DIP2C: variants seen among roughly 807,000 people sequenced by gnomAD.
The protein encoded by DIP2C is DIP2 acetate--CoA ligase C (putative), also known as disco-interacting protein 2 homolog C.
A neutral mutation model predicts 192.4 loss-of-function variants in DIP2C; 33 were observed. The observed-to-expected ratio is 0.17, with a 90% CI of 0.13 to 0.23. The LOEUF (loss-of-function observed/expected upper bound fraction) is 0.23. Among genes scored for constraint, DIP2C ranks in the 10% least tolerant of loss-of-function variants. DIP2C has a pLI of 1.00. For synonymous variants in DIP2C, 979 were observed against 864.1 expected (o/e 1.13, Z -2.33); for missense variants, 1,537 against 2,110.1 (o/e 0.73, Z 5.32).
intron 5 of DIP2C, 122 bp downstream of exon 5, chr10:422,702 G>T: frequency 8.2e-7 from 1 of 1,217,948 alleles, no homozygotes; most frequent in Non-Finnish European, 1.1e-6. Context: ...GCACCCCAGG[G>T]GCCAGAGGAG....
At chr10:528,870 T>G (rs982503753) in intron 1 of DIP2C, among the ~76,000 whole-genome samples, 4 of 152,154 alleles carry the variant, frequency 2.6e-5, no homozygotes, top group Non-Finnish European at 5.9e-5. Context: ...TCAGCAGCTC[T>G]CCTCTCACTG....
At chr10:555,147 C>G (rs1242215228) in intron 1 of DIP2C, among the ~76,000 whole-genome samples, 1 of 151,946 alleles carries the variant, frequency 6.6e-6, no homozygotes, top group Non-Finnish European at 1.5e-5. Flanking sequence ...AATCTCTTTA[C>G]CCATATGAGA....
intron 31 of DIP2C, among the ~76,000 whole-genome samples, chr10:320,248 C>T (rs1956947900): frequency 6.6e-6 from 1 of 152,160 alleles, no homozygotes; most frequent in Non-Finnish European, 1.5e-5. Context: ...CACAGATTGG[C>T]ACTTAAAAGA....
intron 1 of DIP2C, among the ~76,000 whole-genome samples, chr10:619,722 C>T (rs370357144): frequency 8.5e-5 from 13 of 152,292 alleles, no homozygotes; most frequent in African/African-American, 1.9e-4. Flanking sequence ...ACCACCTGGT[C>T]GGGGACCTCC....
At chr10:545,351 G>A (rs938904094) in intron 1 of DIP2C, among the ~76,000 whole-genome samples, 1 of 151,946 alleles carries the variant, frequency 6.6e-6, no homozygotes, top group Non-Finnish European at 1.5e-5. Context: ...AGTTTTAGTA[G>A]AGATGAGGTT....
chr10:530,708 TAATAC>T (rs1341105614), intron 1 of DIP2C, among the ~76,000 whole-genome samples: 1 of 148,706 alleles, frequency 6.7e-6, no homozygotes, highest in Non-Finnish European at 1.5e-5. Flanking sequence ...AAAGGTTGAT[TAATAC>T]AATAAATTAC....
intron 10 of DIP2C, among the ~76,000 whole-genome samples, chr10:393,207 C>CGAATAA (rs1963637530): frequency 6.6e-6 from 1 of 152,214 alleles, no homozygotes; most frequent in African/African-American, 2.4e-5. Flanking sequence ...AGGTTCTCAT[C>CGAATAA]AGGGTCTTTA....
At chr10:553,075 T>C (rs1848663448) in intron 1 of DIP2C, among the ~76,000 whole-genome samples, 1 of 152,230 alleles carries the variant, frequency 6.6e-6, no homozygotes. Context: ...GATCCATGTT[T>C]CACCAAGAGG....
intron 2 of DIP2C, 134 bp downstream of exon 2, chr10:486,319 ACTGAAT>A (rs1844011912): frequency 2.9e-6 from 2 of 697,866 alleles, no homozygotes. Flanking sequence ...ACTCAAAGGA[ACTGAAT>A]GCCTGGAGGG....
intron 7 of DIP2C, among the ~76,000 whole-genome samples, chr10:414,713 G>GTA (rs1965433171): frequency 2.9e-5 from 2 of 69,456 alleles, no homozygotes; most frequent in Non-Finnish European, 2.7e-5. Flanking sequence ...ATGTATGTGT[G>GTA]TGTGTGTGTG....
At chr10:475,982 G>C (rs1020044431) in intron 2 of DIP2C, among the ~76,000 whole-genome samples, 1 of 152,212 alleles carries the variant, frequency 6.6e-6, no homozygotes, top group South Asian at 2.1e-4. Flanking sequence ...GCAGCATACC[G>C]CTCTGCGCTG....
intron 1 of DIP2C, among the ~76,000 whole-genome samples, chr10:688,464 G>A (rs1831410984): frequency 6.6e-6 from 1 of 152,158 alleles, no homozygotes; most frequent in Admixed American, 6.5e-5. Context: ...TGGCACGAAT[G>A]AGTTTACTTT....
chr10:459,921 C>T (rs1012551089), intron 3 of DIP2C, among the ~76,000 whole-genome samples: 24 of 146,874 alleles, frequency 1.6e-4, no homozygotes, highest in Non-Finnish European at 5.9e-5. Flanking sequence ...CCAGTCACAT[C>T]AGGGAACCAA....
chr10:447,722 C>T (rs1420185956), intron 3 of DIP2C, among the ~76,000 whole-genome samples: 3 of 48,236 alleles, frequency 6.2e-5, no homozygotes, highest in African/African-American at 1.1e-4. Context: ...CTCACTCCCA[C>T]TGATGCTCAG....
intron 1 of DIP2C, among the ~76,000 whole-genome samples, chr10:508,375 T>A (rs1046520294): frequency 6.6e-6 from 1 of 152,174 alleles, no homozygotes; most frequent in Non-Finnish European, 1.5e-5. Flanking sequence ...CTTACTCCCT[T>A]GCTCCCCAGC....
intron 1 of DIP2C, among the ~76,000 whole-genome samples, chr10:540,352 A>G (rs1330151226): frequency 6.6e-6 from 1 of 152,254 alleles, no homozygotes; most frequent in East Asian, 1.9e-4. Context: ...CCCCCGTCAC[A>G]GGGGGAAAGC....
intron 10 of DIP2C, among the ~76,000 whole-genome samples, chr10:392,441 A>T (rs1315398551): frequency 6.6e-6 from 1 of 152,232 alleles, no homozygotes; most frequent in African/African-American, 2.4e-5. Context: ...AATCATACAC[A>T]TAAGAAGATC....
intron 31 of DIP2C, among the ~76,000 whole-genome samples, chr10:321,433 G>A (rs1042420811): frequency 6.6e-6 from 1 of 152,176 alleles, no homozygotes; most frequent in Non-Finnish European, 1.5e-5. Flanking sequence ...TTTGGACAAT[G>A]TTCTTTGCTG....
At chr10:515,852 T>C (rs1846318051) in intron 1 of DIP2C, among the ~76,000 whole-genome samples, 1 of 152,128 alleles carries the variant, frequency 6.6e-6, no homozygotes, top group South Asian at 2.1e-4. Context: ...TCTATTCTCG[T>C]CTCTAAACAC....
Sources: gnomAD v4.1 joint callset for allele counts (sites outside exome capture counted in the v4.1 genomes callset) on GRCh38, gnomAD v4.1.1 for gene constraint, MANE v1.5 for transcripts, NCBI Gene and HGNC (gene_info 2026-07-23, HGNC 2026-07-21) for gene names.